The following SORCS2 variants were observed in gnomAD, a reference collection of about 807,000 sequenced individuals.
SORCS2 encodes the protein sortilin related VPS10 domain containing receptor 2, also known as VPS10 domain-containing receptor SorCS2.
Under a neutral mutation model 141.6 loss-of-function variants are expected in SORCS2, and 100 were observed. That is an observed-to-expected ratio of 0.71 (90% CI 0.60 to 0.83). SORCS2 has a LOEUF of 0.83. Ranked by LOEUF, SORCS2 falls within the 40% of genes least tolerant of loss-of-function variation. SORCS2 has a pLI of 0.00. For missense variants in SORCS2, 1,646 were observed against 1,560.2 expected (o/e 1.05, Z -0.93); for synonymous variants, 789 against 676.9 (o/e 1.17, Z -2.57).
chr4:7,504,791 G>C (rs1732177969), intron 2 of SORCS2, among the ~76,000 whole-genome samples: 1 of 152,210 alleles, frequency 6.6e-6, no homozygotes, highest in Admixed American at 6.5e-5. Flanking sequence ...AGTCCTGCCT[G>C]AACCATGGTA....
At chr4:7,595,755 T>G (rs1209984614) in intron 3 of SORCS2, among the ~76,000 whole-genome samples, 4 of 152,206 alleles carry the variant, frequency 2.6e-5, no homozygotes, top group Admixed American at 2.6e-4. Context: ...TTCTGTGATT[T>G]CATCAACCTG....
At chr4:7,340,944 G>A (rs1308818895) in intron 1 of SORCS2, among the ~76,000 whole-genome samples, 4 of 152,232 alleles carry the variant, frequency 2.6e-5, no homozygotes, top group Admixed American at 1.3e-4. Context: ...CATTGGCCAG[G>A]CTGGACAATT....
intron 18 of SORCS2, among the ~76,000 whole-genome samples, chr4:7,723,357 C>T (rs1560111960): frequency 6.6e-6 from 1 of 152,180 alleles, no homozygotes; most frequent in Non-Finnish European, 1.5e-5. Flanking sequence ...CTAGCACGGG[C>T]CTCTGTGGGT....
intron 1 of SORCS2, among the ~76,000 whole-genome samples, chr4:7,296,612 G>A (rs965093088): frequency 2.6e-5 from 4 of 152,234 alleles, no homozygotes; most frequent in Admixed American, 1.3e-4. Flanking sequence ...TGGACCTTGG[G>A]CAGCTAACCT....
At chr4:7,728,273 C>T (rs1225472482) in intron 21 of SORCS2, 77 bp from the exon 22 acceptor site, 1 of 1,038,568 alleles carries the variant, frequency 9.6e-7, no homozygotes. Context: ...CATGTGGCTG[C>T]CCCCGACCCC....
At chr4:7,686,724 C>A (rs1723902143) in intron 10 of SORCS2, among the ~76,000 whole-genome samples, 1 of 152,250 alleles carries the variant, frequency 6.6e-6, no homozygotes, top group Non-Finnish European at 1.5e-5. Context: ...CACCTCCAAG[C>A]CTGCCGGCAT....
At chr4:7,403,997 A>ATATATATATATATATTTTTTTT in intron 2 of SORCS2, among the ~76,000 whole-genome samples, 1 of 19,004 alleles carries the variant, frequency 5.3e-5, no homozygotes, top group Non-Finnish European at 1.2e-4. Flanking sequence ...ATATATATAT[A>ATATATATATATATATTTTTTTT]TTTTTTTTTT....
At chr4:7,232,272 A>G (rs1283097068) in intron 1 of SORCS2, among the ~76,000 whole-genome samples, 1 of 152,118 alleles carries the variant, frequency 6.6e-6, no homozygotes, top group Admixed American at 6.5e-5. Flanking sequence ...GCCAGGAGGA[A>G]GGGGGACACC....
intron 1 of SORCS2, among the ~76,000 whole-genome samples, chr4:7,328,558 T>C (rs989453266): frequency 6.6e-6 from 1 of 151,818 alleles, no homozygotes; most frequent in Admixed American, 6.6e-5. Flanking sequence ...GTAGCCAGAG[T>C]GGAGTTCGTT....
chr4:7,478,757 C>T (rs1327454857), intron 2 of SORCS2, among the ~76,000 whole-genome samples: 2 of 152,154 alleles, frequency 1.3e-5, no homozygotes, highest in Non-Finnish European at 2.9e-5. Flanking sequence ...GTGGGGGTTC[C>T]TGCTTTCTGT....
At chr4:7,298,253 C>T (rs544436838) in intron 1 of SORCS2, among the ~76,000 whole-genome samples, 12 of 152,282 alleles carry the variant, frequency 7.9e-5, no homozygotes, top group African/African-American at 2.9e-4. Context: ...TCCGTTTGTA[C>T]TCTCCAGGGC....
intron 19 of SORCS2, 24 bp downstream of exon 19, chr4:7,723,907 C>T: frequency 6.3e-7 from 1 of 1,576,084 alleles, no homozygotes; most frequent in Non-Finnish European, 8.6e-7. Context: ...CCCTTTGAGG[C>T]CAAAGGTCAC....
At chr4:7,248,778 A>T (rs761755834) in intron 1 of SORCS2, among the ~76,000 whole-genome samples, 6 of 152,256 alleles carry the variant, frequency 3.9e-5, no homozygotes, top group Non-Finnish European at 5.9e-5. Flanking sequence ...TCACCTTAAG[A>T]AGACAAATGT....
chr4:7,406,594 T>C (rs1724984685), intron 2 of SORCS2, among the ~76,000 whole-genome samples: 1 of 151,906 alleles, frequency 6.6e-6, no homozygotes, highest in Non-Finnish European at 1.5e-5. Flanking sequence ...TCTTTTTCAT[T>C]TCTGATTTTA....
In SORCS2 at chr4:7,712,126, C is replaced by A. The variant is rs760086493; in HGVS notation, c.1869-607C>A. ...CCCTATTCTGTCTTCCGCCTCTTCC[C>A]CCACCCACCTAGGCTGCGACGGGCC... On this transcript the variant is annotated intron_variant, in intron 14 of 26. Transcript: ENST00000507866. Among the ~76,000 whole-genome samples, 36 of 152,202 alleles carry A rather than the reference C, an allele frequency of 2.4e-4. 1 individual carries two copies. The highest frequency in any genetic ancestry group is 1.3e-4 in the Admixed American group (2 of 15,282).
intron 14 of SORCS2, among the ~76,000 whole-genome samples, chr4:7,709,152 T>G (rs754214243): frequency 1.3e-5 from 2 of 152,172 alleles, no homozygotes; most frequent in Non-Finnish European, 2.9e-5. Context: ...GGGCCTTTCA[T>G]GTGGTCAAGC....
At chr4:7,696,317 T>C (rs1011478689) in intron 11 of SORCS2, among the ~76,000 whole-genome samples, 6 of 152,176 alleles carry the variant, frequency 3.9e-5, no homozygotes, top group African/African-American at 1.4e-4. Context: ...GCCACAGCCA[T>C]TGGGTACAGT....
At chr4:7,655,579 T>A (rs10018220) in intron 5 of SORCS2, among the ~76,000 whole-genome samples, 1 of 152,160 alleles carries the variant, frequency 6.6e-6, no homozygotes, top group African/African-American at 2.4e-5. Context: ...GGAATGCCGA[T>A]GGCTGGTGTA....
chr4:7,220,372 T>G (rs758907524), intron 1 of SORCS2, among the ~76,000 whole-genome samples: 3 of 152,164 alleles, frequency 2.0e-5, no homozygotes, highest in Non-Finnish European at 4.4e-5. Flanking sequence ...GGGCCTCGTC[T>G]GAGTCTTCTC....
Sources: allele counts gnomAD v4.1 joint callset (sites outside exome capture counted in the v4.1 genomes callset), GRCh38; gene constraint gnomAD v4.1.1; transcripts MANE v1.5; gene names NCBI Gene and HGNC (gene_info 2026-07-23, HGNC 2026-07-21).